The following CCDC91 variants were observed in gnomAD, a reference collection of about 807,000 sequenced individuals.
CCDC91 encodes coiled-coil domain-containing protein 91.
In CCDC91, 48 loss-of-function variants were observed where a neutral mutation model predicts 63.2. The ratio of observed to expected loss-of-function variants is 0.76; its 90% CI spans 0.60 to 0.97. CCDC91 has a LOEUF of 0.97. Ranked by LOEUF, CCDC91 falls within the 50% of genes least tolerant of loss-of-function variation. The pLI is 0.00. For missense variants in CCDC91, 500 were observed against 494.6 expected (o/e 1.01, Z -0.10); for synonymous variants, 167 against 165.8 (o/e 1.01, Z -0.06).
intron 1 of CCDC91, among the ~76,000 whole-genome samples, chr12:28,193,581 C>T (rs11049427): frequency 0.28 from 41,553 of 149,452 alleles, 5,929 homozygotes; most frequent in Non-Finnish European, 0.31. Flanking sequence ...AGACTGGTGA[C>T]AGAGTGAAAC....
chr12:28,424,756 C>G (rs1165975338), intron 8 of CCDC91, among the ~76,000 whole-genome samples: 2 of 152,156 alleles, frequency 1.3e-5, no homozygotes, highest in African/African-American at 4.8e-5. Flanking sequence ...CCCGAATTTT[C>G]ATGTAATCCA....
intron 12 of CCDC91, among the ~76,000 whole-genome samples, chr12:28,490,567 C>G (rs1413496888): frequency 6.6e-6 from 1 of 151,704 alleles, no homozygotes; most frequent in East Asian, 1.9e-4. Context: ...GATGTTTCAA[C>G]TAGGTCACAA....
intron 3 of CCDC91, among the ~76,000 whole-genome samples, chr12:28,267,330 A>C (rs1408622254): frequency 6.6e-6 from 1 of 151,630 alleles, no homozygotes; most frequent in African/African-American, 2.4e-5. Context: ...TTTCTGTAGA[A>C]GTACTTATAG....
intron 8 of CCDC91, among the ~76,000 whole-genome samples, chr12:28,427,769 CTTG>C (rs1948406847): frequency 6.6e-6 from 1 of 152,008 alleles, no homozygotes; most frequent in East Asian, 1.9e-4. Flanking sequence ...CCGTTTTTTT[CTTG>C]TTGTAAGGAT....
intron 7 of CCDC91, among the ~76,000 whole-genome samples, chr12:28,384,432 C>T (rs1224389718): frequency 6.6e-6 from 1 of 152,102 alleles, no homozygotes; most frequent in Non-Finnish European, 1.5e-5. Context: ...CATGAATTAT[C>T]AGTTTCTAAC....
chr12:28,535,300 T>C (rs1228211430), intron 12 of CCDC91, among the ~76,000 whole-genome samples: 1 of 152,200 alleles, frequency 6.6e-6, no homozygotes, highest in East Asian at 1.9e-4. Flanking sequence ...GGAAATGAAG[T>C]GGCAAATCAC....
chr12:28,415,094 G>T (rs1427817851), intron 8 of CCDC91, among the ~76,000 whole-genome samples: 1 of 152,056 alleles, frequency 6.6e-6, no homozygotes, highest in Non-Finnish European at 1.5e-5. Context: ...ATGGGCTAAG[G>T]TATTCAAGTT....
At chr12:28,369,780 C>T (rs569073074) in intron 7 of CCDC91, among the ~76,000 whole-genome samples, 1 of 152,342 alleles carries the variant, frequency 6.6e-6, no homozygotes, top group South Asian at 2.1e-4. Flanking sequence ...CTTCTGTGCA[C>T]CTGCAGTGCC....
intron 12 of CCDC91, among the ~76,000 whole-genome samples, chr12:28,518,934 G>A (rs183482100): frequency 2.0e-5 from 3 of 151,944 alleles, no homozygotes; most frequent in African/African-American, 7.2e-5. Context: ...TCATATTTTT[G>A]TTTGCTTTGT....
chr12:28,305,289 G>A (rs1334000156), intron 3 of CCDC91, among the ~76,000 whole-genome samples: 1 of 151,714 alleles, frequency 6.6e-6, no homozygotes, highest in Non-Finnish European at 1.5e-5. Context: ...AAAATTAAAT[G>A]GATTTTTCTG....
intron 3 of CCDC91, among the ~76,000 whole-genome samples, chr12:28,262,369 T>C (rs530263820): frequency 6.6e-6 from 1 of 152,106 alleles, no homozygotes; most frequent in African/African-American, 2.4e-5. Flanking sequence ...TTGGGGAAAA[T>C]AAAAATCTTC....
intron 3 of CCDC91, among the ~76,000 whole-genome samples, chr12:28,262,155 G>T (rs1446945862): frequency 1.3e-5 from 2 of 151,956 alleles, no homozygotes; most frequent in African/African-American, 4.8e-5. Context: ...GAGAAGATAG[G>T]AACCCCTTAA....
rs1403461279 is a variant in CCDC91 at position 28,490,724 on chromosome 12, T to C, written c.1215+6559T>C. 2.2e-4 allele frequency among the ~76,000 whole-genome samples: 34 copies of C among 151,932 alleles called. No individual in the cohort carries two copies. In the Admixed American group the frequency reaches 2.2e-3, roughly 10 times the overall value. On this transcript the variant is annotated intron_variant, in intron 12 of 12. Coordinates refer to ENST00000536442, the MANE Select transcript of CCDC91 (RefSeq NM_018318.5). ...TTTTAAAACTTATTCACTATTTCTC[T>C]ATCTTAAACTCTTTGACAGTTTATT...
intron 6 of CCDC91, among the ~76,000 whole-genome samples, chr12:28,325,809 G>A (rs1349866049): frequency 6.6e-6 from 1 of 151,908 alleles, no homozygotes; most frequent in Non-Finnish European, 1.5e-5. Flanking sequence ...GCAAGGGGGT[G>A]GGGAGGGCTT....
intron 4 of CCDC91, 138 bp from the exon 5 acceptor site, chr12:28,306,604 C>CT: frequency 1.8e-6 from 1 of 565,446 alleles, no homozygotes. Context: ...TCTTGATTTA[C>CT]TTAAAGGGTG....
chr12:28,461,055 A>G (rs1950284871), intron 11 of CCDC91, among the ~76,000 whole-genome samples: 1 of 152,018 alleles, frequency 6.6e-6, no homozygotes, highest in African/African-American at 2.4e-5. Context: ...CCCATACAGC[A>G]TGTTACTGTG....
intron 1 of CCDC91, among the ~76,000 whole-genome samples, chr12:28,196,659 A>C (rs1941793225): frequency 6.6e-6 from 1 of 152,238 alleles, no homozygotes; most frequent in African/African-American, 2.4e-5. Flanking sequence ...ATTTAATCAC[A>C]AGTGAATGTT....
chr12:28,512,892 A>T (rs1939529219), intron 12 of CCDC91, among the ~76,000 whole-genome samples: 1 of 151,948 alleles, frequency 6.6e-6, no homozygotes, highest in Non-Finnish European at 1.5e-5. Flanking sequence ...TTAGTTAAGT[A>T]TGTCAAAATG....
intron 11 of CCDC91, among the ~76,000 whole-genome samples, chr12:28,461,206 C>G (rs1533142): frequency 0.75 from 113,464 of 151,948 alleles, 42,943 homozygotes; most frequent in African/African-American, 0.82. Context: ...ATCATATGGT[C>G]TATGACTGTA....
Sources: gnomAD v4.1 joint callset for allele counts (sites outside exome capture counted in the v4.1 genomes callset) on GRCh38, gnomAD v4.1.1 for gene constraint, MANE v1.5 for transcripts, NCBI Gene and HGNC (gene_info 2026-07-23, HGNC 2026-07-21) for gene names.